EGFR: variants seen among roughly 807,000 people sequenced by gnomAD.
The protein encoded by EGFR is avian erythroblastic leukemia viral (v-erb-b) oncogene homolog.
In EGFR, 58 loss-of-function variants were observed where a neutral mutation model predicts 143.0. That is an observed-to-expected ratio of 0.41 (90% confidence interval 0.33 to 0.50). EGFR has a LOEUF of 0.50. Among genes scored for constraint, EGFR ranks in the 20% least tolerant of loss-of-function variants. The pLI is 0.39. For missense variants in EGFR, 1,307 were observed against 1,579.0 expected (o/e 0.83, Z 2.92); for synonymous variants, 613 against 594.4 (o/e 1.03, Z -0.45).
chr7:55,167,162 G>A lies in EGFR; in HGVS notation c.1880+1725G>A, dbSNP rs568099428. Among the ~76,000 whole-genome samples the A allele has an allele frequency of 3.5e-5, 5 of 141,182 alleles. 1 individual carries two copies. In the East Asian group the frequency reaches 1.2e-3, roughly 34 times the overall value. 92.6% of individuals were successfully genotyped at this position (141,182 alleles called of 152,430 possible). On this transcript the variant is annotated intron_variant, in intron 15 of 27. Transcript: ENST00000275493. ...GTGATGAGGAGGTGGGAGTCACAAT[G>A]GTGGTGGTGATGACGGTGTTGACAG...
chr7:55,150,862 A>G (rs1785115324), intron 4 of EGFR, among the ~76,000 whole-genome samples: 2 of 152,204 alleles, frequency 1.3e-5, no homozygotes, highest in African/African-American at 4.8e-5. Context: ...TGACTTAACA[A>G]TCCCAGAACG....
At chr7:55,070,565 A>G (rs1161434133) in intron 1 of EGFR, among the ~76,000 whole-genome samples, 3 of 152,244 alleles carry the variant, frequency 2.0e-5, no homozygotes, top group African/African-American at 7.2e-5. Flanking sequence ...AAACATTGAC[A>G]AGACCTGGAG....
Position 55,211,522 on chromosome 7 carries a change from C to A in EGFR, c.*5905C>A, listed in dbSNP as rs1788235033. On this transcript the variant is annotated 3_prime_UTR_variant, in exon 28 of 28. Transcript: ENST00000275493. Reference sequence around the variant, plus strand: ...CTTTTATATGGTTTATACTGTTGATCAGAAATGTTGATTGTGCATTGAGTA... The same window carrying A: ...CTTTTATATGGTTTATACTGTTGATAAGAAATGTTGATTGTGCATTGAGTA... 1 of 152,062 alleles carries A rather than the reference C, an allele frequency of 6.6e-6. No individual in the cohort carries two copies. The highest frequency in any genetic ancestry group is 1.5e-5 in the Non-Finnish European group (1 of 68,006). The allele number at this position is 152,062 out of a possible 1,614,324, so 9.4% of individuals were successfully genotyped here.
chr7:55,049,133 C>T (rs1198732553), intron 1 of EGFR, among the ~76,000 whole-genome samples: 2 of 152,172 alleles, frequency 1.3e-5, no homozygotes, highest in Non-Finnish European at 2.9e-5. Flanking sequence ...TACAGTTTTA[C>T]AGGATTTTTT....
At chr7:55,151,401 C>T (rs1584164702) in intron 5 of EGFR, 39 bp downstream of exon 5, 1 of 1,598,964 alleles carries the variant, frequency 6.3e-7, no homozygotes, top group African/African-American at 1.4e-5. Context: ...GTGTGACCGC[C>T]CCTCTCTTCC....
intron 1 of EGFR, among the ~76,000 whole-genome samples, chr7:55,091,673 T>C (rs914920418): frequency 6.6e-6 from 1 of 152,160 alleles, no homozygotes; most frequent in Non-Finnish European, 1.5e-5. Context: ...AATCTGGTCC[T>C]GACTAGTGGC....
intron 1 of EGFR, among the ~76,000 whole-genome samples, chr7:55,070,548 G>A (rs1789759061): frequency 6.6e-6 from 1 of 152,222 alleles, no homozygotes; most frequent in African/African-American, 2.4e-5. Flanking sequence ...AGCAGCAGCA[G>A]CCTGTGAAAC....
At chr7:55,112,520 A>C (rs973543930) in intron 1 of EGFR, among the ~76,000 whole-genome samples, 1 of 152,224 alleles carries the variant, frequency 6.6e-6, no homozygotes, top group African/African-American at 2.4e-5. Flanking sequence ...TGGTGTGGCC[A>C]GGGGCTGATC....
chr7:55,157,921 A>T lies in EGFR; in HGVS notation c.1298+168A>T, dbSNP rs1039527588. ...GCACAGGGAGCAAGACTGCACGACC[A>T]CTGGCACAGGCTGTCCGCTAAACCA... On this transcript the variant is annotated intron_variant, in intron 11 of 27. Coordinates refer to ENST00000275493, the MANE Select transcript of EGFR (RefSeq NM_005228.5). 3.3e-5 allele frequency among the ~76,000 whole-genome samples: 5 copies of T among 152,240 alleles called. No individual in the cohort carries two copies. In the East Asian group the frequency reaches 9.6e-4, roughly 29 times the overall value.
At chr7:55,173,897 T>A (rs754843361) in intron 17 of EGFR, 24 bp from the exon 18 acceptor site, 1 of 1,614,218 alleles carries the variant, frequency 6.2e-7, no homozygotes, top group Admixed American at 1.7e-5. Context: ...GTGACCCTTG[T>A]CTCTGTGTTC....
rs370751301 is a variant in EGFR, at chr7:55,066,269, G to A, written c.88+46904G>A. ...AAGTGAAAACTAAAAAATTAATACC[G>A]TGGTCATAATAGTGTGGCATTTGAT... On this transcript the variant is annotated intron_variant, in intron 1 of 27. Coordinates refer to ENST00000275493, the MANE Select transcript of EGFR (RefSeq NM_005228.5). Among the ~76,000 whole-genome samples the A allele has an allele frequency of 1.4e-4, 22 of 152,302 alleles. No homozygotes were observed. The East Asian group carries it at 2.5e-3, about 17-fold the overall frequency.
chr7:55,155,906 C>T lies in EGFR; in HGVS notation c.966C>T (p.Gly322=), dbSNP rs1785388649. 1 of 1,614,030 alleles carries T rather than the reference C, an allele frequency of 6.2e-7. No individual in the cohort carries two copies. Among genetic ancestry groups the T allele is most frequent in the African/African-American group, 1.3e-5 (1 of 75,038 alleles). Residue 322 remains glycine (G), a synonymous_variant, in exon 8 of 28, where the codon GGC becomes GGT. Coordinates refer to ENST00000275493, the MANE Select transcript of EGFR (RefSeq NM_005228.5). Reference sequence around the variant, plus strand: ...ACAGCTATGAGATGGAGGAAGACGGCGTCCGCAAGTGTAAGAAGTGCGAAG... The same window carrying T: ...ACAGCTATGAGATGGAGGAAGACGGTGTCCGCAAGTGTAAGAAGTGCGAAG... ...GADSYEMEED[G]VRKCKKCEGP...
intron 2 of EGFR, 59 bp downstream of exon 2, chr7:55,142,496 G>C (rs759597010): frequency 6.3e-7 from 1 of 1,598,684 alleles, no homozygotes; most frequent in Admixed American, 1.7e-5. Context: ...GTGGAGAAAG[G>C]CCTGGGCAGA....
Position 55,206,753 on chromosome 7 carries a change from C to G in EGFR, c.*1136C>G. The G allele has an allele frequency of 4.3e-6, 1 of 233,340 alleles. No individual in the cohort carries two copies. Among genetic ancestry groups the G allele is most frequent in the Non-Finnish European group, 8.5e-6 (1 of 118,138 alleles). The allele number at this position is 233,340 out of a possible 1,614,324, so 14.5% of individuals were successfully genotyped here. A position where few individuals can be genotyped will look rare whatever the true frequency, so the allele number is the denominator to read the frequency against. ...TTACTCAAAGAGTATATGTTCCCTCCAGGTCAGCTGCCCCCAAACCCCCTC... is the reference window on the plus strand; with the variant it reads ...TTACTCAAAGAGTATATGTTCCCTCGAGGTCAGCTGCCCCCAAACCCCCTC... On this transcript the variant is annotated 3_prime_UTR_variant, in exon 28 of 28. Coordinates refer to ENST00000275493, the MANE Select transcript of EGFR (RefSeq NM_005228.5).
chr7:55,180,157 C>T (rs1186976170), intron 19 of EGFR: 1 of 152,278 alleles, frequency 6.6e-6, no homozygotes, highest in African/African-American at 2.4e-5. Context: ...GAGAAACTAA[C>T]TTGCCCAAGT....
intron 1 of EGFR, chr7:55,044,158 A>C (rs146723490): frequency 6.6e-6 from 1 of 152,218 alleles, no homozygotes; most frequent in Admixed American, 6.5e-5. Flanking sequence ...TGGCAATGCA[A>C]GGATGCCATT....
intron 1 of EGFR, among the ~76,000 whole-genome samples, chr7:55,115,369 A>G (rs916317451): frequency 5.3e-5 from 8 of 152,222 alleles, no homozygotes; most frequent in Non-Finnish European, 1.5e-5. Context: ...TGCCAGGATT[A>G]TTGTAAAAAC....
intron 8 of EGFR, 73 bp from the exon 9 acceptor site, chr7:55,156,460 T>G: frequency 6.2e-7 from 1 of 1,603,880 alleles, no homozygotes; most frequent in Non-Finnish European, 8.5e-7. Flanking sequence ...CCTGCTTCCC[T>G]CTGCCTGTGG....
intron 1 of EGFR, among the ~76,000 whole-genome samples, chr7:55,055,723 C>CAA (rs1554318493): frequency 6.7e-6 from 1 of 148,234 alleles, no homozygotes; most frequent in African/African-American, 2.5e-5. Flanking sequence ...CACACACACA[C>CAA]CACACACACA....
Sources: allele counts gnomAD v4.1 joint callset (sites outside exome capture counted in the v4.1 genomes callset), GRCh38; gene constraint gnomAD v4.1.1; transcripts MANE v1.5; gene names NCBI Gene and HGNC (gene_info 2026-07-23, HGNC 2026-07-21).